BABAM2: variants seen among roughly 807,000 people sequenced by gnomAD.
BABAM2 encodes the protein BRISC and BRCA1-A complex member 2.
A neutral mutation model predicts 54.7 loss-of-function variants in BABAM2; 31 were observed. The ratio of observed to expected loss-of-function variants is 0.57; its 90% CI spans 0.43 to 0.77. The LOEUF (loss-of-function observed/expected upper bound fraction) is 0.77, where lower values mean the gene tolerates loss of function less well. Among genes scored for constraint, BABAM2 ranks in the 30% least tolerant of loss-of-function variants. The pLI is 0.00. For missense variants in BABAM2, 364 were observed against 455.8 expected (o/e 0.80, Z 1.83); for synonymous variants, 167 against 162.9 (o/e 1.03, Z -0.19).
chr2:28,263,144 AAAAG>A (rs201715350), intron 10 of BABAM2, among the ~76,000 whole-genome samples: 2,153 of 148,950 alleles, frequency 0.014, 51 homozygotes, highest in African/African-American at 0.05. Context: ...AAAAAAAAAA[AAAAG>A]AAGAAAAGAA....
chr2:28,327,594 C>T, intron 11 of BABAM2: 1 of 957,338 alleles, frequency 1.0e-6, no homozygotes, highest in Non-Finnish European at 1.5e-6. Context: ...AGACCACAGT[C>T]AGCCTTCTCA....
intron 11 of BABAM2, among the ~76,000 whole-genome samples, chr2:28,321,846 T>C (rs1332935576): frequency 6.6e-6 from 1 of 151,918 alleles, no homozygotes; most frequent in East Asian, 1.9e-4. Flanking sequence ...AGGAGGAGGA[T>C]TGTGGAGTTC....
At chr2:28,098,970 T>A (rs1035776733) in intron 6 of BABAM2, among the ~76,000 whole-genome samples, 1 of 152,172 alleles carries the variant, frequency 6.6e-6, no homozygotes, top group African/African-American at 2.4e-5. Flanking sequence ...AAGGTTAGGA[T>A]CTCAGACTCT....
upstream of BABAM2, chr2:27,890,316 C>T (rs1664710451): frequency 2.5e-6 from 4 of 1,613,880 alleles, no homozygotes; most frequent in East Asian, 8.9e-5. The surrounding 1 kb of genome is among the most constrained non-coding windows in gnomAD (Gnocchi z 4.8). Flanking sequence ...CCTCTTGCCA[C>T]TGCCTCTGGG....
chr2:28,014,200 C>T (rs1430823593), intron 4 of BABAM2, among the ~76,000 whole-genome samples: 1 of 152,090 alleles, frequency 6.6e-6, no homozygotes, highest in East Asian at 1.9e-4. Flanking sequence ...TTTCACTGAA[C>T]TATTCACTGT....
chr2:28,208,905 T>C (rs187995725), intron 7 of BABAM2, among the ~76,000 whole-genome samples: 1 of 152,202 alleles, frequency 6.6e-6, no homozygotes, highest in Admixed American at 6.5e-5. Context: ...CCGTCTTTCT[T>C]CTTTGTTCCT....
At chr2:27,977,608 A>G (rs1437232198) in intron 3 of BABAM2, among the ~76,000 whole-genome samples, 1 of 152,202 alleles carries the variant, frequency 6.6e-6, no homozygotes, top group Non-Finnish European at 1.5e-5. Context: ...TATCAATAGA[A>G]GTTTAATACA....
chr2:27,971,251 G>C (rs1171265060), intron 3 of BABAM2, among the ~76,000 whole-genome samples: 1 of 152,024 alleles, frequency 6.6e-6, no homozygotes, highest in Non-Finnish European at 1.5e-5. Context: ...CTCTTTTTCT[G>C]TCAGTGATAG....
chr2:28,070,580 C>G (rs1021140041), intron 6 of BABAM2, among the ~76,000 whole-genome samples: 5 of 146,316 alleles, frequency 3.4e-5, no homozygotes, highest in South Asian at 4.3e-4. Flanking sequence ...GACGGAGTCT[C>G]GCTCTGTCAC....
At chr2:28,141,594 G>A (rs1671065992) in intron 7 of BABAM2, among the ~76,000 whole-genome samples, 1 of 151,992 alleles carries the variant, frequency 6.6e-6, no homozygotes, top group Admixed American at 6.6e-5. Flanking sequence ...TTCATGATGG[G>A]GACAGAAGAA....
intron 4 of BABAM2, among the ~76,000 whole-genome samples, chr2:28,022,618 T>C (rs1296497424): frequency 6.6e-6 from 1 of 152,242 alleles, no homozygotes; most frequent in East Asian, 1.9e-4. Context: ...CTTTTCTCTG[T>C]TAATATGTGA....
At chr2:28,163,846 A>G (rs2147821181) in intron 7 of BABAM2, among the ~76,000 whole-genome samples, 1 of 151,764 alleles carries the variant, frequency 6.6e-6, no homozygotes, top group Admixed American at 6.5e-5. Context: ...AATTGAGGCC[A>G]TCCACCCCTT....
chr2:27,975,208 C>T (rs1671503216), intron 3 of BABAM2, among the ~76,000 whole-genome samples: 1 of 151,966 alleles, frequency 6.6e-6, no homozygotes, highest in Admixed American at 6.6e-5. Flanking sequence ...AGTGTAATCC[C>T]CATCAAAATC....
intron 10 of BABAM2, among the ~76,000 whole-genome samples, chr2:28,258,702 T>C (rs2148125200): frequency 7.4e-6 from 1 of 136,012 alleles, no homozygotes. Context: ...AGCCTCTACC[T>C]CCCAGGCTCA....
At chr2:28,286,075 C>T (rs938080807) in intron 10 of BABAM2, among the ~76,000 whole-genome samples, 2 of 151,640 alleles carry the variant, frequency 1.3e-5, no homozygotes, top group East Asian at 1.9e-4. Context: ...CCTGCCTCAG[C>T]GTCCTGAGTA....
intron 6 of BABAM2, among the ~76,000 whole-genome samples, chr2:28,115,713 G>C (rs985793700): frequency 6.6e-6 from 1 of 152,006 alleles, no homozygotes; most frequent in Non-Finnish European, 1.5e-5. Flanking sequence ...GATGTAGACC[G>C]GGGAGAAGGC....
chr2:28,183,048 A>AT (rs1401650024), intron 7 of BABAM2, among the ~76,000 whole-genome samples: 1 of 152,196 alleles, frequency 6.6e-6, no homozygotes, highest in Non-Finnish European at 1.5e-5. Flanking sequence ...CCAGATCCTG[A>AT]TTCTTTAGGA....
At chr2:28,234,541 T>A (rs969460408) in intron 7 of BABAM2, among the ~76,000 whole-genome samples, 3 of 152,202 alleles carry the variant, frequency 2.0e-5, no homozygotes, top group African/African-American at 7.2e-5. Context: ...CTTGTAATAT[T>A]TTATATAAGT....
intron 3 of BABAM2, among the ~76,000 whole-genome samples, chr2:27,948,214 T>C (rs1669439297): frequency 6.6e-6 from 1 of 152,136 alleles, no homozygotes; most frequent in Non-Finnish European, 1.5e-5. Flanking sequence ...TTGAAAATTA[T>C]ATTTTTTAAA....
Sources: allele counts gnomAD v4.1 joint callset (sites outside exome capture counted in the v4.1 genomes callset), GRCh38; gene constraint gnomAD v4.1.1; non-coding constraint Gnocchi (gnomAD v3.1); transcripts MANE v1.5; gene names NCBI Gene and HGNC (gene_info 2026-07-23, HGNC 2026-07-21).